The following NICOL1 variants were observed in gnomAD, a reference collection of about 807,000 sequenced individuals.
NICOL1 encodes NELL2-interacting cell ontogeny regulator 1.
chr4:2,042,445 G>T, the NICOL1 span: 1 of 433,680 alleles, frequency 2.3e-6, no homozygotes, highest in Non-Finnish European at 4.0e-6. Context: ...GGGCGCCCGG[G>T]CCCGCGCCGA....
chr4:2,038,451 A>T, the NICOL1 span, among the ~76,000 whole-genome samples: 1 of 151,308 alleles, frequency 6.6e-6, no homozygotes, highest in African/African-American at 2.4e-5. Flanking sequence ...CCACATTCAG[A>T]TACTTTTTAA....
chr4:2,040,599 C>T, the NICOL1 span, among the ~76,000 whole-genome samples: 59 of 152,200 alleles, frequency 3.9e-4, no homozygotes, highest in African/African-American at 1.4e-3. Context: ...GGCCTGCTCC[C>T]GGGCTCTTGG....
the NICOL1 span, among the ~76,000 whole-genome samples, chr4:2,036,668 A>G: frequency 6.6e-6 from 1 of 152,188 alleles, no homozygotes; most frequent in African/African-American, 2.4e-5. Flanking sequence ...CCCTGTGGGT[A>G]TAACTCGGAT....
At chr4:2,042,609 G>A in the NICOL1 span, 109 of 533,458 alleles carry the variant, frequency 2.0e-4, 2 homozygotes, top group East Asian at 3.1e-3. Context: ...TCCCCTTCGC[G>A]GGAGATGGTG....
At chr4:2,043,941 C>G in the NICOL1 span, 1 of 1,537,932 alleles carries the variant, frequency 6.5e-7, no homozygotes, top group South Asian at 1.2e-5. Context: ...CACGCTGCTC[C>G]GTGTGAATAA....
chr4:2,040,463 C>A, the NICOL1 span, among the ~76,000 whole-genome samples: 4 of 152,100 alleles, frequency 2.6e-5, no homozygotes, highest in African/African-American at 9.7e-5. Context: ...AGCGTGGGAC[C>A]GAAGGGGAGA....
At chr4:2,043,835 C>T in the NICOL1 span, 2 of 1,544,758 alleles carry the variant, frequency 1.3e-6, no homozygotes. Flanking sequence ...CTGGGCTGCA[C>T]CCTCACCCCT....
the NICOL1 span, among the ~76,000 whole-genome samples, chr4:2,040,555 C>A: frequency 2.4e-4 from 37 of 152,320 alleles, no homozygotes; most frequent in South Asian, 1.2e-3. Flanking sequence ...GGGGCTACCC[C>A]TCTACGGCTC....
chr4:2,038,251 A>G, the NICOL1 span, among the ~76,000 whole-genome samples: 55 of 62,028 alleles, frequency 8.9e-4, 1 homozygote, highest in African/African-American at 3.5e-3. Context: ...ATATATATAT[A>G]TATATATATA....
At chr4:2,038,241 A>G in the NICOL1 span, among the ~76,000 whole-genome samples, 1,279 of 33,910 alleles carry the variant, frequency 0.038, 34 homozygotes, top group African/African-American at 0.12. Context: ...CAGTGTGTAT[A>G]TATATATATA....
chr4:2,040,511 C>G, the NICOL1 span, among the ~76,000 whole-genome samples: 1 of 152,128 alleles, frequency 6.6e-6, no homozygotes, highest in Non-Finnish European at 1.5e-5. Flanking sequence ...GGAGGCACGT[C>G]CCCCCCAGGG....
the NICOL1 span, among the ~76,000 whole-genome samples, chr4:2,036,746 G>A: frequency 1.3e-5 from 2 of 152,146 alleles, no homozygotes; most frequent in East Asian, 1.9e-4. Context: ...ATATGGAGTC[G>A]TGGGTGGGGC....
chr4:2,042,775 A>G, the NICOL1 span: 1 of 1,518,022 alleles, frequency 6.6e-7, no homozygotes, highest in South Asian at 1.2e-5. Context: ...GAGTTCATGC[A>G]GCGCGCCCTG....
the NICOL1 span, among the ~76,000 whole-genome samples, chr4:2,041,013 C>T: frequency 6.6e-6 from 1 of 151,922 alleles, no homozygotes; most frequent in Non-Finnish European, 1.5e-5. Context: ...GAGGGGGGCG[C>T]CCGAGGCTCC....
chr4:2,042,059 C>A, the NICOL1 span: 3 of 1,478,602 alleles, frequency 2.0e-6, no homozygotes, highest in Non-Finnish European at 2.7e-6. Context: ...CCCGGGGTCC[C>A]TGAACCGCGG....
the NICOL1 span, chr4:2,042,349 G>A: frequency 1.9e-6 from 1 of 518,686 alleles, no homozygotes; most frequent in Non-Finnish European, 3.3e-6. Context: ...CCCTCTGCTG[G>A]CCATGGCCCC....
the NICOL1 span, among the ~76,000 whole-genome samples, chr4:2,036,689 G>A: frequency 6.6e-6 from 1 of 152,186 alleles, no homozygotes; most frequent in Non-Finnish European, 1.5e-5. Flanking sequence ...CAGTTAGCTT[G>A]CTTGTCTGCT....
chr4:2,041,370 T>A, the NICOL1 span, among the ~76,000 whole-genome samples: 3 of 151,900 alleles, frequency 2.0e-5, no homozygotes, highest in African/African-American at 7.3e-5. Context: ...GGGACTGAAA[T>A]CGGCACAGAG....
chr4:2,039,797 G>A, the NICOL1 span, among the ~76,000 whole-genome samples: 2 of 152,122 alleles, frequency 1.3e-5, no homozygotes, highest in African/African-American at 2.4e-5. Context: ...CCTAGATCAT[G>A]CCACTGCACT....
Sources: gnomAD v4.1 joint callset for allele counts (sites outside exome capture counted in the v4.1 genomes callset) on GRCh38, gnomAD v4.1.1 for gene constraint, MANE v1.5 for transcripts, NCBI Gene and HGNC (gene_info 2026-07-23, HGNC 2026-07-21) for gene names.